USH2A: variants seen among roughly 807,000 people sequenced by gnomAD.
USH2A encodes the protein Usher syndrome 2A (autosomal recessive, mild).
USH2A carries 443 observed loss-of-function variants against 538.9 expected under a neutral mutation model. The ratio of observed to expected loss-of-function variants is 0.82; its 90% CI spans 0.76 to 0.89. The LOEUF (loss-of-function observed/expected upper bound fraction) is 0.89. USH2A is among the 40% of genes least tolerant of loss of function. The probability of loss-of-function intolerance (pLI) is 0.00; values close to 1 mark genes in which losing one functional copy is unlikely to be tolerated. For synonymous variants in USH2A, 2,413 were observed against 2,273.5 expected (o/e 1.06, Z -1.75); for missense variants, 6,633 against 6,324.8 (o/e 1.05, Z -1.65).
chr1:215,964,512 A>G (rs1667284631), intron 37 of USH2A, among the ~76,000 whole-genome samples: 1 of 152,162 alleles, frequency 6.6e-6, no homozygotes, highest in South Asian at 2.1e-4. Context: ...AAACAAAGAA[A>G]CGTTTTCAAG....
At chr1:215,845,308 A>C (rs1663809424) in intron 45 of USH2A, among the ~76,000 whole-genome samples, 1 of 152,234 alleles carries the variant, frequency 6.6e-6, no homozygotes, top group African/African-American at 2.4e-5. Context: ...TTATAAAGCC[A>C]AAAAAGATTA....
chr1:215,913,336 C>T (rs924884085), intron 38 of USH2A, among the ~76,000 whole-genome samples: 2 of 151,996 alleles, frequency 1.3e-5, no homozygotes, highest in Non-Finnish European at 2.9e-5. Flanking sequence ...AACAGAGGTG[C>T]TAAGAGGTAT....
intron 37 of USH2A, among the ~76,000 whole-genome samples, chr1:215,938,944 G>C (rs192425805): frequency 6.6e-6 from 1 of 152,258 alleles, no homozygotes; most frequent in African/African-American, 2.4e-5. Context: ...ATAGGGTGCT[G>C]GGATCACTAG....
chr1:216,359,812 T>C (rs2038457132), intron 4 of USH2A, among the ~76,000 whole-genome samples: 1 of 152,032 alleles, frequency 6.6e-6, no homozygotes, highest in African/African-American at 2.4e-5. Context: ...ACTGATTAGA[T>C]TTTAATGCAA....
chr1:216,363,846 C>T (rs1295623470), intron 4 of USH2A, among the ~76,000 whole-genome samples: 1 of 151,576 alleles, frequency 6.6e-6, no homozygotes, highest in Non-Finnish European at 1.5e-5. Flanking sequence ...TTAGAAGGCT[C>T]AGAGGAAGCA....
intron 70 of USH2A, chr1:215,630,154 A>G (rs1316303324): frequency 3.9e-6 from 2 of 513,684 alleles, no homozygotes; most frequent in Admixed American, 3.9e-5. Context: ...CACACCATGC[A>G]AAAGATCATG....
At chr1:216,010,512 C>T (rs891158313) in intron 32 of USH2A, among the ~76,000 whole-genome samples, 3 of 151,878 alleles carry the variant, frequency 2.0e-5, no homozygotes, top group African/African-American at 2.4e-5. Context: ...TAGACCATCA[C>T]GGATGCCGAG....
At chr1:216,065,171 G>T (rs1393243312) in intron 30 of USH2A, among the ~76,000 whole-genome samples, 1 of 152,156 alleles carries the variant, frequency 6.6e-6, no homozygotes, top group Non-Finnish European at 1.5e-5. Context: ...ATCCAGTACT[G>T]CCCTACATTG....
chr1:215,744,142 C>T lies in USH2A; in HGVS notation c.11390-807G>A, dbSNP rs140206924. Among the ~76,000 whole-genome samples, 18 of 152,236 alleles carry T rather than the reference C, an allele frequency of 1.2e-4. No homozygotes were observed. The East Asian group carries it at 3.3e-3, about 28-fold the overall frequency. ...TTTTTCTGTAGAGCATTGTGTATGC[C>T]TCCTGTCTGACATGGATCCTTGACA... On this transcript the variant is annotated intron_variant, in intron 58 of 71. Transcript: ENST00000307340.
rs2035136666 is a variant in USH2A at position 216,207,332 on chromosome 1, G to A, written c.3257C>T (p.Thr1086Ile). Residue 1086 changes from threonine to isoleucine, a missense_variant, in exon 16 of 72, where the codon ACT becomes ATT. Transcript: ENST00000307340. ...AAAACCATCCCTGAGTAAACTGTAA[G>A]TAAGCCAGTGGGCATTTGGAGAATC... is the stretch of plus-strand genomic sequence containing the variant. ...PPDSPNAHWLTYSLLRDGFEI... is the reference protein window; with the variant it reads ...PPDSPNAHWLIYSLLRDGFEI... 1 of 1,614,008 alleles carries A rather than the reference G, an allele frequency of 6.2e-7. No homozygotes were observed. Among genetic ancestry groups the A allele is most frequent in the Non-Finnish European group, 8.5e-7 (1 of 1,179,946 alleles).
chr1:216,403,419 A>C (rs898004219), intron 3 of USH2A, among the ~76,000 whole-genome samples: 1 of 152,128 alleles, frequency 6.6e-6, no homozygotes, highest in African/African-American at 2.4e-5. Context: ...ATACTACTAA[A>C]AATTCTAGTC....
chr1:215,790,725 C>A (rs1661958385), intron 50 of USH2A, among the ~76,000 whole-genome samples: 1 of 152,212 alleles, frequency 6.6e-6, no homozygotes, highest in Non-Finnish European at 1.5e-5. Flanking sequence ...GGAAAGGTAG[C>A]ACCATCCTAG....
At chr1:216,050,759 C>T (rs1438351992) in intron 30 of USH2A, among the ~76,000 whole-genome samples, 1 of 150,984 alleles carries the variant, frequency 6.6e-6, no homozygotes, top group Non-Finnish European at 1.5e-5. Flanking sequence ...CGCCCGCCAC[C>T]ACGCCCGGCT....
chr1:216,089,402 C>T (rs2032239164), intron 22 of USH2A, among the ~76,000 whole-genome samples: 1 of 151,988 alleles, frequency 6.6e-6, no homozygotes, highest in Non-Finnish European at 1.5e-5. Flanking sequence ...TACAAAGTCA[C>T]TTGCATTTTC....
At chr1:216,268,709 A>T (rs1353959588) in intron 11 of USH2A, among the ~76,000 whole-genome samples, 2 of 152,068 alleles carry the variant, frequency 1.3e-5, no homozygotes, top group Non-Finnish European at 2.9e-5. Flanking sequence ...TGAATACATC[A>T]GGGGTGCTTC....
In USH2A at chr1:216,250,932, C is replaced by A; in HGVS notation, c.2138G>T (p.Gly713Val). 1 of 1,613,960 alleles carries A rather than the reference C, an allele frequency of 6.2e-7. No individual in the cohort carries two copies. Among genetic ancestry groups the A allele is most frequent in the East Asian group, 2.2e-5 (1 of 44,808 alleles). ...AACGTTTGCTTTGCACTTGCACTGGCCTGAATTTTGGTGACAGGTAATATC... is the reference window on the plus strand; with the variant it reads ...AACGTTTGCTTTGCACTTGCACTGGACTGAATTTTGGTGACAGGTAATATC... The part of the protein sequence containing the change: ...DGDITCHQNS[G>V]QCKCKANVIG... Residue 713 changes from glycine (G) to valine (V), a missense_variant, in exon 12 of 72, where the codon GGC becomes GTC. By Grantham distance (109) the Gly-to-Val change is moderately radical. Coordinates refer to ENST00000307340, the MANE Select transcript of USH2A (RefSeq NM_206933.4).
chr1:216,379,058 G>A (rs2102730939), intron 3 of USH2A, among the ~76,000 whole-genome samples: 1 of 152,234 alleles, frequency 6.6e-6, no homozygotes, highest in African/African-American at 2.4e-5. Context: ...TGTGGCCTTA[G>A]AGCCCACACT....
intron 27 of USH2A, among the ~76,000 whole-genome samples, chr1:216,074,571 T>C (rs2031685846): frequency 6.6e-6 from 1 of 152,204 alleles, no homozygotes; most frequent in South Asian, 2.1e-4. Flanking sequence ...TTAAATGTCT[T>C]TTACTATTAT....
intron 22 of USH2A, among the ~76,000 whole-genome samples, 161 bp downstream of exon 22, chr1:216,096,922 T>C (rs2032453826): frequency 1.3e-5 from 2 of 152,230 alleles, no homozygotes; most frequent in Admixed American, 1.3e-4. Flanking sequence ...GTCACATTAC[T>C]TTTGTAAGTT....
Sources: allele counts gnomAD v4.1 joint callset (sites outside exome capture counted in the v4.1 genomes callset), GRCh38; gene constraint gnomAD v4.1.1; transcripts MANE v1.5; gene names NCBI Gene and HGNC (gene_info 2026-07-23, HGNC 2026-07-21).